The following APBA1 variants were observed in gnomAD, a reference collection of about 807,000 sequenced individuals.
APBA1 encodes the protein amyloid beta precursor protein binding family A member 1, also known as amyloid-beta A4 precursor protein-binding family A member 1.
APBA1 carries 55 observed loss-of-function variants against 86.6 expected under a neutral mutation model. The observed-to-expected ratio is 0.64, with a 90% CI of 0.51 to 0.80. The LOEUF (loss-of-function observed/expected upper bound fraction) is 0.80. Among genes scored for constraint, APBA1 ranks in the 30% least tolerant of loss-of-function variants. The pLI, the probability that APBA1 is intolerant of heterozygous loss-of-function variation, is 0.00. For synonymous variants in APBA1, 511 were observed against 493.9 expected, an observed-to-expected ratio of 1.03 and a Z score of -0.46; for missense variants, 1,090 against 1,183.0, an observed-to-expected ratio of 0.92 and a Z score of 1.15.
chr9:69,522,591 A>G (rs976043732), intron 1 of APBA1, among the ~76,000 whole-genome samples: 2 of 152,240 alleles, frequency 1.3e-5, no homozygotes, highest in African/African-American at 4.8e-5. Context: ...TAGGGCAGAC[A>G]GCTCTGACAG....
rs531128695 is a variant in APBA1, at chr9:69,636,094, C to A, written c.-70+36059G>T. ...TCTGGTTTAAAAACAGGCAAAGGAT[C>A]TGACATTTCTCAAAAGAAGACATAC... On this transcript the variant is annotated intron_variant, in intron 1 of 12. Transcript: ENST00000265381. Among the ~76,000 whole-genome samples, 4 of 152,274 alleles carry A rather than the reference C, an allele frequency of 2.6e-5. No homozygotes were observed. In the South Asian group the frequency reaches 8.3e-4, roughly 32 times the overall value.
chr9:69,654,901 T>C (rs942157350), intron 1 of APBA1, among the ~76,000 whole-genome samples: 21 of 152,160 alleles, frequency 1.4e-4, no homozygotes, highest in Middle Eastern at 3.2e-3. Context: ...GATGGTTCAA[T>C]ATAGGCAAAT....
chr9:69,536,620 A>G (rs905788194), intron 1 of APBA1, among the ~76,000 whole-genome samples: 1 of 150,342 alleles, frequency 6.7e-6, no homozygotes, highest in Non-Finnish European at 1.5e-5. Context: ...TAATCCCAGC[A>G]CTTTGGGAGG....
intron 1 of APBA1, among the ~76,000 whole-genome samples, chr9:69,639,651 G>A: frequency 6.6e-6 from 1 of 152,112 alleles, no homozygotes; most frequent in East Asian, 1.9e-4. Context: ...TTTCTCACTG[G>A]TTACCCCCTG....
At chr9:69,544,475 A>G (rs1236397755) in intron 1 of APBA1, among the ~76,000 whole-genome samples, 1 of 152,226 alleles carries the variant, frequency 6.6e-6, no homozygotes, top group East Asian at 1.9e-4. Flanking sequence ...GTTCATGATA[A>G]TATAAGAAAA....
chr9:69,601,640 T>G (rs80259448), intron 1 of APBA1, among the ~76,000 whole-genome samples: 3,848 of 152,312 alleles, frequency 0.025, 157 homozygotes, highest in African/African-American at 0.086. Flanking sequence ...GACTTTAAAC[T>G]GATTTAACAA....
At chr9:69,522,786 C>G (rs1410656151) in intron 1 of APBA1, among the ~76,000 whole-genome samples, 3 of 152,168 alleles carry the variant, frequency 2.0e-5, no homozygotes, top group African/African-American at 7.2e-5. Context: ...GTGACATCAT[C>G]TAATAAATGT....
In APBA1 at chr9:69,591,169, C is replaced by T. The variant is rs535287276; in HGVS notation, c.-69-73890G>A. Among the ~76,000 whole-genome samples the T allele has an allele frequency of 1.3e-4, 20 of 152,240 alleles. No individual in the cohort carries two copies. The South Asian group carries it at 3.9e-3, about 30-fold the overall frequency. On this transcript the variant is annotated intron_variant, in intron 1 of 12. Transcript: ENST00000265381. ...CCAAATGCTTTCAAGGCAGAACTTC[C>T]GATGTGAGGTCCTGATGATGTCCAG...
At chr9:69,482,474 T>C (rs10867625) in intron 2 of APBA1, among the ~76,000 whole-genome samples, 119,570 of 148,810 alleles carry the variant, frequency 0.8, 48,230 homozygotes, top group Admixed American at 0.85. Context: ...CAGGAAACAA[T>C]GGGTGCTGGA....
At position 69,535,215 on chromosome 9, in the gene APBA1, A is replaced by G. The variant is rs73449429; in HGVS notation, c.-69-17936T>C. On this transcript the variant is annotated intron_variant, in intron 1 of 12. Coordinates refer to ENST00000265381, the MANE Select transcript of APBA1 (RefSeq NM_001163.4). ...ATGTTCACCTGTGTGCCAAGGAATC[A>G]CCTGCAGATTTTGTTAAAATGCAGA... Among the ~76,000 whole-genome samples, 1,352 of 152,290 alleles carry G rather than the reference A, an allele frequency of 8.9e-3. 17 individuals carry two copies. The highest frequency in any genetic ancestry group is 0.031 in the African/African-American group (1,284 of 41,554).
At chr9:69,520,028 A>T (rs891240765) in intron 1 of APBA1, among the ~76,000 whole-genome samples, 9 of 152,156 alleles carry the variant, frequency 5.9e-5, no homozygotes, top group Admixed American at 5.9e-4. Flanking sequence ...CCATCCACAG[A>T]CCTCACGGGA....
intron 9 of APBA1, among the ~76,000 whole-genome samples, chr9:69,450,010 T>A (rs1479428394): frequency 6.6e-6 from 1 of 151,654 alleles, no homozygotes; most frequent in East Asian, 1.9e-4. Context: ...ATTCACTCGT[T>A]TCACATAAGC....
intron 3 of APBA1, 78 bp downstream of exon 3, chr9:69,475,970 G>A (rs777149019): frequency 1.3e-4 from 146 of 1,155,050 alleles, no homozygotes; most frequent in Non-Finnish European, 1.7e-4. Context: ...GCTGTAGGAT[G>A]CTGTATTAGG....
At chr9:69,586,825 CA>C (rs1174104122) in intron 1 of APBA1, among the ~76,000 whole-genome samples, 1 of 152,136 alleles carries the variant, frequency 6.6e-6, no homozygotes, top group East Asian at 1.9e-4. Flanking sequence ...CTAACAACCC[CA>C]AATAAGTACT....
rs1476352834 is a variant in APBA1, at chr9:69,636,847, G to A, written c.-70+35306C>T. On this transcript the variant is annotated intron_variant, in intron 1 of 12. Transcript: ENST00000265381. ...AGAGAGAGAGGGAGGGAGGGAGGGAGGGAGGGAGGGAGGGAGGGAGAGAGA... is the reference window on the plus strand; with the variant it reads ...AGAGAGAGAGGGAGGGAGGGAGGGAAGGAGGGAGGGAGGGAGGGAGAGAGA... 1.1e-4 allele frequency among the ~76,000 whole-genome samples: 13 copies of A among 117,700 alleles called. No individual in the cohort carries two copies. The East Asian group carries it at 3.2e-3, about 29-fold the overall frequency. 77.2% of individuals were successfully genotyped at this position (117,700 alleles called of 152,430 possible).
intron 1 of APBA1, among the ~76,000 whole-genome samples, chr9:69,585,731 A>G (rs943356687): frequency 5.3e-5 from 8 of 152,106 alleles, no homozygotes; most frequent in Admixed American, 2.6e-4. Flanking sequence ...TGTTCATAAG[A>G]CTTATATCCT....
At chr9:69,614,294 A>G (rs1219741282) in intron 1 of APBA1, among the ~76,000 whole-genome samples, 1 of 152,204 alleles carries the variant, frequency 6.6e-6, no homozygotes, top group Non-Finnish European at 1.5e-5. Flanking sequence ...CTTTCTAGTC[A>G]GGCCCGTGGA....
Position 69,542,453 on chromosome 9 carries a change from G to A in APBA1, c.-69-25174C>T, listed in dbSNP as rs186846837. Among the ~76,000 whole-genome samples, 186 of 152,236 alleles carry A rather than the reference G, an allele frequency of 1.2e-3. 2 individuals are homozygous for A. Among genetic ancestry groups the A allele is most frequent in the African/African-American group, 4.1e-3 (169 of 41,526 alleles). On this transcript the variant is annotated intron_variant, in intron 1 of 12. Coordinates refer to ENST00000265381, the MANE Select transcript of APBA1 (RefSeq NM_001163.4). The stretch of plus-strand genomic sequence containing the variant: ...CTCCATGTCTTTCTCTGCCTTGAGC[G>A]CTCATTTCTTTTTAGCACTGAATAA...
chr9:69,519,668 A>G (rs567789350), intron 1 of APBA1, among the ~76,000 whole-genome samples: 12 of 152,378 alleles, frequency 7.9e-5, no homozygotes, highest in African/African-American at 2.6e-4. Context: ...TAAGAAAAAC[A>G]GTAACAAAAA....
Sources: allele counts gnomAD v4.1 joint callset (sites outside exome capture counted in the v4.1 genomes callset), GRCh38; gene constraint gnomAD v4.1.1; transcripts MANE v1.5; gene names NCBI Gene and HGNC (gene_info 2026-07-23, HGNC 2026-07-21).